COL24A1: variants seen among roughly 807,000 people sequenced by gnomAD.
The protein encoded by COL24A1 is collagen type XXIV alpha 1 chain.
A neutral mutation model predicts 253.9 loss-of-function variants in COL24A1; 224 were observed. The observed-to-expected ratio is 0.88, with a 90% CI of 0.79 to 0.99. The LOEUF is 0.99. COL24A1 is among the 50% of genes least tolerant of loss of function. The probability of loss-of-function intolerance (pLI) is 0.00; values close to 1 mark genes in which losing one functional copy is unlikely to be tolerated. For missense variants in COL24A1, 2,131 were observed against 2,068.5 expected (o/e 1.03, Z -0.59); for synonymous variants, 685 against 673.7 (o/e 1.02, Z -0.26).
At chr1:86,082,984 A>G (rs1702763399) in intron 7 of COL24A1, among the ~76,000 whole-genome samples, 1 of 151,918 alleles carries the variant, frequency 6.6e-6, no homozygotes, top group African/African-American at 2.4e-5. Flanking sequence ...TAGATTTAGG[A>G]TGCTCAGTCT....
intron 7 of COL24A1, among the ~76,000 whole-genome samples, chr1:86,081,081 T>C (rs1197515081): frequency 1.3e-5 from 2 of 152,158 alleles, no homozygotes; most frequent in Admixed American, 6.5e-5. Flanking sequence ...TTTAGCACAG[T>C]ATAATTGAAA....
intron 2 of COL24A1, among the ~76,000 whole-genome samples, chr1:86,132,044 A>G (rs1258771413): frequency 6.6e-6 from 1 of 152,150 alleles, no homozygotes; most frequent in Non-Finnish European, 1.5e-5. Context: ...CTGACTTTTT[A>G]ATGATCACCA....
At chr1:86,109,021 C>T (rs1705286174) in intron 5 of COL24A1, among the ~76,000 whole-genome samples, 1 of 152,156 alleles carries the variant, frequency 6.6e-6, no homozygotes, top group Non-Finnish European at 1.5e-5. Flanking sequence ...TGTGGAAATT[C>T]TGTCTCCCTG....
intron 19 of COL24A1, among the ~76,000 whole-genome samples, chr1:86,016,929 C>G (rs1213027272): frequency 1.3e-5 from 2 of 152,094 alleles, no homozygotes; most frequent in Non-Finnish European, 2.9e-5. Flanking sequence ...AGCTGTGATC[C>G]TAATCAGTGT....
In COL24A1 at chr1:86,074,895, T is replaced by C. The variant is rs139306894; in HGVS notation, c.1708-11136A>G. Among the ~76,000 whole-genome samples the C allele has an allele frequency of 2.4e-3, 372 of 152,282 alleles. 10 individuals carry two copies. The East Asian group carries it at 0.046, about 19-fold the overall frequency. On this transcript the variant is annotated intron_variant, in intron 7 of 59. Coordinates refer to ENST00000370571, the MANE Select transcript of COL24A1 (RefSeq NM_152890.7). The stretch of plus-strand genomic sequence containing the variant: ...TGTAACAGAATCTCTGGAGCACAGT[T>C]AAGCAGTGTTTAGAGGGAAATTTAT...
chr1:86,134,068 T>G (rs1572038456), intron 2 of COL24A1, among the ~76,000 whole-genome samples: 1 of 152,186 alleles, frequency 6.6e-6, no homozygotes, highest in East Asian at 1.9e-4. Context: ...TCTTCCTGCT[T>G]TCGTCTTGGG....
At chr1:85,792,566 C>A (rs912901051) in intron 47 of COL24A1, among the ~76,000 whole-genome samples, 1 of 149,086 alleles carries the variant, frequency 6.7e-6, no homozygotes. Context: ...GTTACCAGGG[C>A]ATGGTATTGT....
chr1:86,018,122 C>T (rs957744309), intron 18 of COL24A1, among the ~76,000 whole-genome samples: 2 of 152,156 alleles, frequency 1.3e-5, no homozygotes, highest in Admixed American at 6.5e-5. Context: ...CTATTGCATT[C>T]ATTATTTCTG....
At chr1:86,093,283 T>TGGC (rs1703641052) in intron 5 of COL24A1, among the ~76,000 whole-genome samples, 1 of 152,028 alleles carries the variant, frequency 6.6e-6, no homozygotes, top group African/African-American at 2.4e-5. Context: ...TCCTGTATTC[T>TGGC]ATAGTCAAAG....
intron 31 of COL24A1, 94 bp downstream of exon 31, chr1:85,895,764 T>C: frequency 1.1e-6 from 1 of 939,816 alleles, no homozygotes; most frequent in East Asian, 2.6e-5. Context: ...AATTTTTATG[T>C]GTCAAAAAAT....
chr1:86,125,965 C>T lies in COL24A1; in HGVS notation c.371G>A (p.Ser124Asn). 6.2e-7 allele frequency: 1 copy of T among 1,613,458 alleles called. No individual in the cohort carries two copies. The highest frequency in any genetic ancestry group is 8.5e-7 in the Non-Finnish European group (1 of 1,179,780). ...SHRVNNAFLF[S>N]IRNKNRLQLG... ...TTGCAGTCTATTTTTATTTCTAATG[C>T]TGAAGAGAAATGCATTGTTCACCCG... is the stretch of plus-strand genomic sequence containing the variant. Residue 124 changes from serine to asparagine, a missense_variant, in exon 3 of 60, where the codon AGC (serine) becomes AAC (asparagine). Ser to Asn is a conservative substitution (Grantham distance 46). Coordinates refer to ENST00000370571, the MANE Select transcript of COL24A1 (RefSeq NM_152890.7).
intron 47 of COL24A1, among the ~76,000 whole-genome samples, chr1:85,796,258 T>C (rs1328632863): frequency 6.6e-6 from 1 of 152,232 alleles, no homozygotes; most frequent in Admixed American, 6.5e-5. Context: ...CCTTAATGAA[T>C]ACAGGTATTT....
intron 19 of COL24A1, among the ~76,000 whole-genome samples, chr1:86,010,443 T>G (rs1696384687): frequency 6.6e-6 from 1 of 151,898 alleles, no homozygotes; most frequent in African/African-American, 2.4e-5. Flanking sequence ...TATAAAACAG[T>G]CCTCAAACAA....
At chr1:85,737,701 T>C (rs1664201584) in intron 57 of COL24A1, among the ~76,000 whole-genome samples, 196 bp from the exon 58 acceptor site, 1 of 151,970 alleles carries the variant, frequency 6.6e-6, no homozygotes, top group Non-Finnish European at 1.5e-5. Flanking sequence ...GTAGCTGGGA[T>C]TACAGGAATG....
At chr1:85,877,295 TA>T in intron 32 of COL24A1, 120 bp from the exon 33 acceptor site, 30 of 634,856 alleles carry the variant, frequency 4.7e-5, no homozygotes, top group Non-Finnish European at 7.3e-5. Flanking sequence ...AAATACATAA[TA>T]CATTTATCAG....
chr1:86,073,156 G>A (rs1163133582), intron 7 of COL24A1, among the ~76,000 whole-genome samples: 3 of 152,104 alleles, frequency 2.0e-5, no homozygotes, highest in East Asian at 3.9e-4. Flanking sequence ...GCTTCAGAAG[G>A]TGGGTAATAA....
chr1:85,773,508 A>G (rs1206972742), intron 53 of COL24A1, among the ~76,000 whole-genome samples: 1 of 152,086 alleles, frequency 6.6e-6, no homozygotes. Flanking sequence ...ATGAGCATGG[A>G]ATGTTTTTCC....
chr1:86,057,494 G>A (rs1332341765), intron 10 of COL24A1, among the ~76,000 whole-genome samples: 4 of 152,096 alleles, frequency 2.6e-5, no homozygotes, highest in African/African-American at 7.2e-5. Context: ...GAGTGAAATG[G>A]GATGTTCTGG....
chr1:85,986,599 G>C (rs913234959), intron 20 of COL24A1, among the ~76,000 whole-genome samples: 1 of 151,832 alleles, frequency 6.6e-6, no homozygotes, highest in Non-Finnish European at 1.5e-5. Flanking sequence ...GTGACTTCAA[G>C]TGAATAACTT....
Sources: gnomAD v4.1 joint callset for allele counts (sites outside exome capture counted in the v4.1 genomes callset) on GRCh38, gnomAD v4.1.1 for gene constraint, MANE v1.5 for transcripts, NCBI Gene and HGNC (gene_info 2026-07-23, HGNC 2026-07-21) for gene names.